DSCAM: variants seen among roughly 807,000 people sequenced by gnomAD.
The protein encoded by DSCAM is DS cell adhesion molecule.
Under a neutral mutation model 217.7 loss-of-function variants are expected in DSCAM, and 47 were observed. That is an observed-to-expected ratio of 0.22 (90% confidence interval 0.17 to 0.28). The LOEUF (loss-of-function observed/expected upper bound fraction) is 0.28, where lower values mean the gene tolerates loss of function less well. Ranked by LOEUF, DSCAM falls within the 10% of genes least tolerant of loss-of-function variation. The probability of loss-of-function intolerance (pLI) is 1.00; values close to 1 mark genes in which losing one functional copy is unlikely to be tolerated. For synonymous variants in DSCAM, 1,056 were observed against 1,015.3 expected, an observed-to-expected ratio of 1.04 and a Z score of -0.76; for missense variants, 2,080 against 2,618.3, an observed-to-expected ratio of 0.79 and a Z score of 4.49.
At chr21:40,790,006 CTT>C (rs2091626416) in intron 1 of DSCAM, among the ~76,000 whole-genome samples, 1 of 152,024 alleles carries the variant, frequency 6.6e-6, no homozygotes, top group Non-Finnish European at 1.5e-5. Context: ...GGAAATAGGT[CTT>C]GTTTGTATTT....
intron 3 of DSCAM, among the ~76,000 whole-genome samples, chr21:40,460,998 T>C (rs1446012825): frequency 6.6e-6 from 1 of 152,206 alleles, no homozygotes; most frequent in Non-Finnish European, 1.5e-5. Context: ...TATTGATTTA[T>C]ACGACTATCA....
At chr21:40,208,525 C>T (rs2091149554) in intron 11 of DSCAM, among the ~76,000 whole-genome samples, 1 of 152,188 alleles carries the variant, frequency 6.6e-6, no homozygotes, top group Non-Finnish European at 1.5e-5. Context: ...TGGAGAATGG[C>T]TCACTGAGCT....
At chr21:40,072,536 G>T (rs1379572419) in intron 27 of DSCAM, among the ~76,000 whole-genome samples, 1 of 151,890 alleles carries the variant, frequency 6.6e-6, no homozygotes, top group Non-Finnish European at 1.5e-5. Context: ...TTTTAGTAGA[G>T]ACGGGGTTTC....
chr21:40,033,164 G>T (rs573032149), intron 32 of DSCAM, among the ~76,000 whole-genome samples: 1 of 152,102 alleles, frequency 6.6e-6, no homozygotes, highest in Non-Finnish European at 1.5e-5. Context: ...GTGCCTGGGG[G>T]GGAGGAGCCA....
intron 3 of DSCAM, among the ~76,000 whole-genome samples, chr21:40,675,275 C>T (rs2090326004): frequency 6.6e-6 from 1 of 152,172 alleles, no homozygotes; most frequent in Admixed American, 6.5e-5. Context: ...CCACACAAAC[C>T]TGTCAACAAA....
chr21:40,533,004 T>C (rs2076461676), intron 3 of DSCAM, among the ~76,000 whole-genome samples: 6 of 151,622 alleles, frequency 4.0e-5, no homozygotes, highest in Admixed American at 3.9e-4. Flanking sequence ...GGCACAGTCA[T>C]CCGAAGCCTG....
chr21:40,625,332 T>C (rs1039160017), intron 3 of DSCAM, among the ~76,000 whole-genome samples: 16 of 152,172 alleles, frequency 1.1e-4, no homozygotes, highest in Admixed American at 1.0e-3. Flanking sequence ...CATTATAATG[T>C]ATAATACAGT....
rs1452257012 is a variant in DSCAM, at chr21:40,055,716, G to C, written c.5035+9C>G. 3.7e-6 allele frequency: 6 copies of C among 1,603,972 alleles called. No homozygotes were observed. The highest frequency in any genetic ancestry group is 2.2e-5 in the East Asian group (1 of 44,684). On this transcript the variant is annotated intron_variant, in intron 29 of 32. Transcript: ENST00000400454. Reference sequence around the variant, plus strand: ...CACTTTGTGTAAAGTGGCAAATAGGGCAGCTTACCAATGGTCTCCATCGTG... The same window carrying C: ...CACTTTGTGTAAAGTGGCAAATAGGCCAGCTTACCAATGGTCTCCATCGTG...
intron 3 of DSCAM, among the ~76,000 whole-genome samples, chr21:40,593,541 G>A (rs1240963509): frequency 3.3e-5 from 5 of 152,020 alleles, no homozygotes; most frequent in African/African-American, 1.2e-4. Context: ...CTTTACTGGT[G>A]AAACCAGTTG....
intron 11 of DSCAM, among the ~76,000 whole-genome samples, chr21:40,193,375 G>T (rs761189682): frequency 1.3e-5 from 2 of 152,082 alleles, no homozygotes; most frequent in African/African-American, 4.8e-5. Context: ...GCTAACTCAA[G>T]ATAATTAGAG....
At chr21:40,711,101 T>C (rs1468365710) in intron 1 of DSCAM, among the ~76,000 whole-genome samples, 1 of 152,214 alleles carries the variant, frequency 6.6e-6, no homozygotes, top group African/African-American at 2.4e-5. Flanking sequence ...GTCTTTCTGA[T>C]GAAGGCTTTT....
intron 1 of DSCAM, among the ~76,000 whole-genome samples, chr21:40,774,049 G>T (rs2123400034): frequency 6.6e-6 from 1 of 152,342 alleles, no homozygotes; most frequent in South Asian, 2.1e-4. Context: ...ACAAGGGGAA[G>T]TGCTAGCTGA....
intron 11 of DSCAM, among the ~76,000 whole-genome samples, chr21:40,204,484 A>C (rs766682256): frequency 6.6e-6 from 1 of 152,180 alleles, no homozygotes; most frequent in Non-Finnish European, 1.5e-5. Flanking sequence ...TATATTTCTT[A>C]CTTATTTAAG....
chr21:40,198,773 G>T (rs1258921174), intron 11 of DSCAM, among the ~76,000 whole-genome samples: 1 of 152,220 alleles, frequency 6.6e-6, no homozygotes, highest in Admixed American at 6.5e-5. Flanking sequence ...GGATGACATG[G>T]GAGCTGTGGC....
chr21:40,074,705 T>C (rs375780822), intron 27 of DSCAM, among the ~76,000 whole-genome samples: 4 of 152,324 alleles, frequency 2.6e-5, no homozygotes, highest in African/African-American at 7.2e-5. Flanking sequence ...GATCTTTTCA[T>C]AGAAAGCCAC....
chr21:40,121,681 CTTTTTTTTTTTTTT>C, intron 20 of DSCAM, among the ~76,000 whole-genome samples: 1 of 73,752 alleles, frequency 1.4e-5, no homozygotes, highest in African/African-American at 5.7e-5. Flanking sequence ...TCATTACTGT[CTTTTTTTTTTTTTT>C]TTTTTTTTTT....
intron 11 of DSCAM, among the ~76,000 whole-genome samples, chr21:40,258,618 C>G (rs1261919832): frequency 6.6e-6 from 1 of 152,212 alleles, no homozygotes; most frequent in Non-Finnish European, 1.5e-5. Flanking sequence ...ATGAAGAAAT[C>G]AAGGTACTTT....
At chr21:40,534,611 C>T (rs563700042) in intron 3 of DSCAM, among the ~76,000 whole-genome samples, 4 of 152,190 alleles carry the variant, frequency 2.6e-5, no homozygotes, top group Non-Finnish European at 5.9e-5. Context: ...ACCAAGTGTT[C>T]ATTTTTATGA....
intron 9 of DSCAM, among the ~76,000 whole-genome samples, chr21:40,310,654 T>G (rs2074127610): frequency 6.6e-6 from 1 of 152,246 alleles, no homozygotes; most frequent in South Asian, 2.1e-4. Flanking sequence ...CATTTTTATC[T>G]GACGTTTCAG....
Sources: gnomAD v4.1 joint callset for allele counts (sites outside exome capture counted in the v4.1 genomes callset) on GRCh38, gnomAD v4.1.1 for gene constraint, MANE v1.5 for transcripts, NCBI Gene and HGNC (gene_info 2026-07-23, HGNC 2026-07-21) for gene names.